Variants in SLC30A6 observed in about 807,000 individuals in gnomAD.
SLC30A6 encodes zinc transporter 6.
Under a neutral mutation model 63.0 loss-of-function variants are expected in SLC30A6, and 55 were observed. The observed-to-expected ratio is 0.87, with a 90% CI of 0.70 to 1.09. The LOEUF (loss-of-function observed/expected upper bound fraction) is 1.09. Among genes scored for constraint, SLC30A6 ranks in the 50% least tolerant of loss-of-function variants. SLC30A6 has a pLI of 0.00. For missense variants in SLC30A6, 587 were observed against 549.2 expected, an observed-to-expected ratio of 1.07 and a Z score of -0.69; for synonymous variants, 224 against 186.1, an observed-to-expected ratio of 1.20 and a Z score of -1.66.
At chr2:32,169,252 T>C (rs960679689) in intron 1 of SLC30A6, among the ~76,000 whole-genome samples, 2 of 152,172 alleles carry the variant, frequency 1.3e-5, no homozygotes, top group Non-Finnish European at 2.9e-5. Context: ...GGCTCACTGC[T>C]TGACTTCCCG....
At chr2:32,189,718 C>T (rs1683162233) in intron 5 of SLC30A6, among the ~76,000 whole-genome samples, 2 of 147,032 alleles carry the variant, frequency 1.4e-5, no homozygotes, top group South Asian at 4.4e-4. Flanking sequence ...AAGTGGCTCT[C>T]CTGCCTCAGC....
At chr2:32,202,831 G>T in intron 10 of SLC30A6, 1 of 821,550 alleles carries the variant, frequency 1.2e-6, no homozygotes, top group Non-Finnish European at 2.2e-6. Context: ...GTGAAATCCA[G>T]ATACGAACAG....
intron 10 of SLC30A6, chr2:32,203,044 C>T (rs1558411633): frequency 1.1e-5 from 14 of 1,240,728 alleles, no homozygotes; most frequent in Middle Eastern, 2.4e-4. Flanking sequence ...AAACAGAATG[C>T]CCAGTGTTTA....
At chr2:32,185,244 C>G (rs1263666736) in intron 5 of SLC30A6, among the ~76,000 whole-genome samples, 1 of 151,884 alleles carries the variant, frequency 6.6e-6, no homozygotes, top group Non-Finnish European at 1.5e-5. Flanking sequence ...ACCTGTGGTC[C>G]CAGCTGCTTG....
chr2:32,219,498 G>A (rs1202700028), intron 13 of SLC30A6, among the ~76,000 whole-genome samples: 1 of 151,702 alleles, frequency 6.6e-6, no homozygotes, highest in Non-Finnish European at 1.5e-5. Flanking sequence ...GCAGTGGTGC[G>A]ATCTTGGCTC....
At position 32,204,654 on chromosome 2, in the gene SLC30A6, T is replaced by C. The variant is rs1314869672; in HGVS notation, c.730T>C (p.Tyr244His). The C allele has an allele frequency of 2.5e-6, 4 of 1,613,182 alleles. No homozygotes were observed. The South Asian group carries it at 4.4e-5, about 18-fold the overall frequency. The change falls in exon 11 of 14, where the codon TAT becomes CAT. Residue 244 changes from tyrosine to histidine, a missense_variant. Physicochemically the swap from Tyr to His is moderately conservative, Grantham distance 83 (BLOSUM62 2). Transcript: ENST00000282587. The part of the protein sequence containing the change: ...AIALMTFGTM[Y>H]PMSVYSGKVL... The stretch of plus-strand genomic sequence containing the variant: ...TGCCTTGATGACATTTGGCACTATG[T>C]ATCCCATGAGTGTGTACAGTGGGAA...
At chr2:32,172,474 G>C (rs1257740556) in intron 2 of SLC30A6, among the ~76,000 whole-genome samples, 1 of 151,510 alleles carries the variant, frequency 6.6e-6, no homozygotes, top group Non-Finnish European at 1.5e-5. Flanking sequence ...TCAGCCTCTT[G>C]AGTAGCTGGG....
chr2:32,189,236 T>G (rs1172067881), intron 5 of SLC30A6, among the ~76,000 whole-genome samples: 2 of 152,046 alleles, frequency 1.3e-5, no homozygotes, highest in South Asian at 2.1e-4. Context: ...TGGTAGTGTT[T>G]GAGAGTTGCA....
intron 4 of SLC30A6, among the ~76,000 whole-genome samples, chr2:32,178,916 G>T (rs1314934967): frequency 6.6e-6 from 1 of 152,168 alleles, no homozygotes; most frequent in African/African-American, 2.4e-5. Context: ...GGAGTGCAGT[G>T]GGTTGACCTC....
chr2:32,220,754 G>T lies in SLC30A6; in HGVS notation c.*41G>T, dbSNP rs1299296021. 6.5e-7 allele frequency: 1 copy of T among 1,543,476 alleles called. No homozygotes were observed. Among genetic ancestry groups the T allele is most frequent in the Non-Finnish European group, 8.8e-7 (1 of 1,142,510 alleles). On this transcript the variant is annotated 3_prime_UTR_variant, in exon 14 of 14. Transcript: ENST00000282587. ...TTTTATAAGGAATATTGACTCCTTG[G>T]CTTCCAATTTATTTAGTAATCCAAC... is the stretch of plus-strand genomic sequence containing the variant.
intron 10 of SLC30A6, 38 bp downstream of exon 10, chr2:32,197,864 T>C (rs771680511): frequency 2.8e-5 from 45 of 1,608,762 alleles, no homozygotes; most frequent in Non-Finnish European, 3.7e-5. Flanking sequence ...TGTTTTGATT[T>C]CTGGGGACTT....
intron 11 of SLC30A6, 119 bp downstream of exon 11, chr2:32,204,811 A>ATTTTTTT (rs71407425): frequency 1.1e-5 from 2 of 183,082 alleles, no homozygotes; most frequent in Non-Finnish European, 1.9e-5. Context: ...TTTAATTTTA[A>ATTTTTTT]TTTTTTTTTT....
intron 1 of SLC30A6, among the ~76,000 whole-genome samples, chr2:32,170,062 C>A (rs1199652148): frequency 6.6e-6 from 1 of 151,992 alleles, no homozygotes; most frequent in Non-Finnish European, 1.5e-5. Context: ...TTTTTTCCCC[C>A]TTAAGGGTAT....
intron 5 of SLC30A6, among the ~76,000 whole-genome samples, chr2:32,190,222 G>A (rs560289927): frequency 1.3e-5 from 2 of 152,206 alleles, no homozygotes; most frequent in East Asian, 3.9e-4. Flanking sequence ...ACTTTGGGAG[G>A]GTGAGGTGGG....
chr2:32,198,151 G>A (rs1331330973), intron 10 of SLC30A6, among the ~76,000 whole-genome samples: 1 of 152,198 alleles, frequency 6.6e-6, no homozygotes, highest in Non-Finnish European at 1.5e-5. Flanking sequence ...AGAAGAGGAC[G>A]TAGGCGTGAA....
chr2:32,188,511 TG>T (rs1683035403), intron 5 of SLC30A6, among the ~76,000 whole-genome samples: 1 of 152,082 alleles, frequency 6.6e-6, no homozygotes, highest in Non-Finnish European at 1.5e-5. Flanking sequence ...CTAACCAACA[TG>T]GTGAAACCTC....
At chr2:32,167,762 G>T (rs925240896) in intron 1 of SLC30A6, among the ~76,000 whole-genome samples, 8 of 152,184 alleles carry the variant, frequency 5.3e-5, no homozygotes, top group African/African-American at 1.7e-4. Context: ...GATTTGAAGG[G>T]AGTTGAAGAT....
At chr2:32,201,538 G>A (rs1193078106) in intron 10 of SLC30A6, 8 of 856,596 alleles carry the variant, frequency 9.3e-6, no homozygotes, top group Admixed American at 3.4e-5. Context: ...TTCCTTTCAC[G>A]TTTTTGCTGC....
chr2:32,184,215 T>G, intron 4 of SLC30A6, 58 bp from the exon 5 acceptor site: 1 of 972,382 alleles, frequency 1.0e-6, no homozygotes, highest in Non-Finnish European at 1.5e-6. Context: ...AAAACTTAAT[T>G]TATCTTCACA....
Sources: gnomAD v4.1 joint callset for allele counts (sites outside exome capture counted in the v4.1 genomes callset) on GRCh38, gnomAD v4.1.1 for gene constraint, MANE v1.5 for transcripts, NCBI Gene and HGNC (gene_info 2026-07-23, HGNC 2026-07-21) for gene names.